Variants in ANO10 observed in about 807,000 individuals in gnomAD.
ANO10 encodes anoctamin 10, also known as anoctamin-10.
In ANO10, 77 loss-of-function variants were observed where a neutral mutation model predicts 74.7. That is an observed-to-expected ratio of 1.03 (90% CI 0.86 to 1.25). ANO10 has a LOEUF of 1.25. Ranked by LOEUF, ANO10 falls within the 50% of genes most tolerant of loss-of-function variation. ANO10 has a pLI of 0.00. For synonymous variants in ANO10, 279 were observed against 284.9 expected, an observed-to-expected ratio of 0.98 and a Z score of 0.21; for missense variants, 721 against 778.1, an observed-to-expected ratio of 0.93 and a Z score of 0.87.
intron 11 of ANO10, among the ~76,000 whole-genome samples, chr3:43,507,645 A>G (rs1427943412): frequency 6.6e-6 from 1 of 151,976 alleles, no homozygotes; most frequent in Non-Finnish European, 1.5e-5. Context: ...AGGCCCAGTG[A>G]CCAGGGACAC....
intron 10 of ANO10, 37 bp downstream of exon 10, chr3:43,555,241 A>AT (rs756629059): frequency 1.2e-6 from 2 of 1,600,620 alleles, no homozygotes; most frequent in African/African-American, 1.3e-5. Flanking sequence ...TCGTATTTTT[A>AT]TTTTTTAAAG....
chr3:43,566,383 G>T (rs1037398694), intron 7 of ANO10, among the ~76,000 whole-genome samples: 6 of 152,238 alleles, frequency 3.9e-5, no homozygotes, highest in Non-Finnish European at 7.3e-5. Context: ...TCTGGGGGCA[G>T]GGCACAGACA....
Position 43,637,990 on chromosome 3 carries a change from A to G in ANO10, c.-11-32127T>C, listed in dbSNP as rs185546469. 2.4e-3 allele frequency among the ~76,000 whole-genome samples: 359 copies of G among 152,338 alleles called. 1 individual carries two copies. The highest frequency in any genetic ancestry group is 6.8e-3 in the Middle Eastern group (2 of 294). ...TTAAAAATTGTTTCCTTCATAAAGCATAAAGGAAATGTGCATATTTATCTT... is the reference window on the plus strand; with the variant it reads ...TTAAAAATTGTTTCCTTCATAAAGCGTAAAGGAAATGTGCATATTTATCTT... On this transcript the variant is annotated intron_variant, in intron 1 of 3. Transcript: ENST00000413397.
intron 1 of ANO10, among the ~76,000 whole-genome samples, chr3:43,685,524 C>G (rs995881829): frequency 2.6e-5 from 4 of 152,154 alleles, no homozygotes; most frequent in Non-Finnish European, 2.9e-5. Context: ...TCTATGTGCA[C>G]ATGAGAAAGG....
At position 43,543,193 on chromosome 3, in the gene ANO10, T is replaced by C. The variant is rs76599417; in HGVS notation, c.1797+6527A>G. ...AGTTGAGAGAGAGGAAGAACACATG[T>C]GTGACAAAATGTTCAAAATCAGTGA... is the stretch of plus-strand genomic sequence containing the variant. On this transcript the variant is annotated intron_variant, in intron 11 of 12. Transcript: ENST00000292246. Among the ~76,000 whole-genome samples the C allele has an allele frequency of 9.2e-3, 1,400 of 152,240 alleles. 13 individuals carry two copies. Among genetic ancestry groups the C allele is most frequent in the Non-Finnish European group, 0.016 (1,068 of 68,012 alleles).
chr3:43,550,083 T>C (rs1371976248), intron 10 of ANO10, among the ~76,000 whole-genome samples: 1 of 152,232 alleles, frequency 6.6e-6, no homozygotes, highest in Non-Finnish European at 1.5e-5. Context: ...CAGTATGTTC[T>C]ATCTTCCTAA....
At chr3:43,451,611 G>C (rs1041723998) in intron 11 of ANO10, among the ~76,000 whole-genome samples, 1 of 152,056 alleles carries the variant, frequency 6.6e-6, no homozygotes, top group South Asian at 2.1e-4. Flanking sequence ...GTGGTGGTTA[G>C]GGATGAAGGG....
upstream of ANO10, among the ~76,000 whole-genome samples, chr3:43,626,326 G>A (rs1232720890): frequency 2.8e-5 from 4 of 140,982 alleles, no homozygotes; most frequent in African/African-American, 5.4e-5. Flanking sequence ...ACTGAGTCTC[G>A]CTGTATCGCC....
At chr3:43,493,108 T>TA (rs1191133517) in intron 11 of ANO10, among the ~76,000 whole-genome samples, 2 of 152,136 alleles carry the variant, frequency 1.3e-5, no homozygotes, top group African/African-American at 4.8e-5. Context: ...TATGCAGCCA[T>TA]AAAAAAGGAT....
intron 11 of ANO10, among the ~76,000 whole-genome samples, chr3:43,433,207 A>C (rs544223008): frequency 7.9e-4 from 120 of 151,992 alleles, no homozygotes; most frequent in Non-Finnish European, 1.6e-3. Context: ...TTGGCCTCCC[A>C]AAGTGCCGGG....
intron 7 of ANO10, among the ~76,000 whole-genome samples, chr3:43,567,960 A>G (rs1440074400): frequency 1.3e-5 from 2 of 152,156 alleles, no homozygotes; most frequent in African/African-American, 4.8e-5. Flanking sequence ...AGAGACACCC[A>G]CAGGCTCAAA....
chr3:43,614,156 GA>G (rs2082971504), intron 1 of ANO10, among the ~76,000 whole-genome samples: 1 of 152,176 alleles, frequency 6.6e-6, no homozygotes, highest in African/African-American at 2.4e-5. Flanking sequence ...CAACGTTTTT[GA>G]ACATTTATGC....
intron 1 of ANO10, among the ~76,000 whole-genome samples, chr3:43,660,114 G>C (rs1169810261): frequency 6.6e-6 from 1 of 152,110 alleles, no homozygotes; most frequent in Non-Finnish European, 1.5e-5. Context: ...AAAGATCAAA[G>C]GTAGATAAAA....
At chr3:43,563,215 A>G (rs376816358) in intron 8 of ANO10, among the ~76,000 whole-genome samples, 1 of 152,164 alleles carries the variant, frequency 6.6e-6, no homozygotes, top group African/African-American at 2.4e-5. Context: ...ATATGAAAAA[A>G]TACTCAACAC....
At chr3:43,557,445 A>G (rs1416948434) in intron 9 of ANO10, among the ~76,000 whole-genome samples, 1 of 152,118 alleles carries the variant, frequency 6.6e-6, no homozygotes, top group African/African-American at 2.4e-5. Flanking sequence ...CATTAAAGAC[A>G]TTTTGTTTGG....
intron 11 of ANO10, among the ~76,000 whole-genome samples, chr3:43,537,473 A>G (rs1033244895): frequency 3.9e-5 from 6 of 152,046 alleles, no homozygotes; most frequent in African/African-American, 1.2e-4. Flanking sequence ...GCTTCCTAAA[A>G]ATGGTCACAG....
At chr3:43,430,268 T>C (rs1460751327) in intron 12 of ANO10, among the ~76,000 whole-genome samples, 3 of 152,106 alleles carry the variant, frequency 2.0e-5, no homozygotes, top group African/African-American at 7.2e-5. Context: ...GTTTGCTTAT[T>C]TTTTGTCATA....
chr3:43,379,398 G>A (rs2091898250), intron 12 of ANO10, among the ~76,000 whole-genome samples: 1 of 152,230 alleles, frequency 6.6e-6, no homozygotes, highest in Non-Finnish European at 1.5e-5. Context: ...GCAAATAGAA[G>A]GAAGGACTAA....
intron 11 of ANO10, among the ~76,000 whole-genome samples, chr3:43,448,334 C>T (rs1052880312): frequency 6.8e-6 from 1 of 147,460 alleles, no homozygotes; most frequent in African/African-American, 2.6e-5. Flanking sequence ...TCATTCCACA[C>T]TTCCTCCCTT....
Sources: gnomAD v4.1 joint callset for allele counts (sites outside exome capture counted in the v4.1 genomes callset) on GRCh38, gnomAD v4.1.1 for gene constraint, MANE v1.5 for transcripts, NCBI Gene and HGNC (gene_info 2026-07-23, HGNC 2026-07-21) for gene names.